UBAP2L: variants seen among roughly 807,000 people sequenced by gnomAD.
The protein encoded by UBAP2L is ubiquitin-associated protein 2-like.
A neutral mutation model predicts 130.6 loss-of-function variants in UBAP2L; 12 were observed. That is an observed-to-expected ratio of 0.09 (90% CI 0.06 to 0.15). The LOEUF (loss-of-function observed/expected upper bound fraction) is 0.15, where lower values mean the gene tolerates loss of function less well. Among genes scored for constraint, UBAP2L ranks in the 10% least tolerant of loss-of-function variants. The probability of loss-of-function intolerance (pLI) is 1.00; values close to 1 mark genes in which losing one functional copy is unlikely to be tolerated. For synonymous variants in UBAP2L, 503 were observed against 524.7 expected (o/e 0.96, Z 0.57); for missense variants, 965 against 1,332.5 (o/e 0.72, Z 4.29).
intron 11 of UBAP2L, 56 bp downstream of exon 11, chr1:154,246,431 A>G: frequency 6.4e-7 from 1 of 1,550,662 alleles, no homozygotes; most frequent in Non-Finnish European, 8.8e-7. Flanking sequence ...CCTAGCACAC[A>G]TACACAGTTC....
intron 22 of UBAP2L, among the ~76,000 whole-genome samples, chr1:154,260,442 A>G (rs1194601): frequency 6.6e-6 from 1 of 152,148 alleles, no homozygotes; most frequent in Non-Finnish European, 1.5e-5. Context: ...CTGCCCCTTT[A>G]TGCTACTACT....
chr1:154,259,123 C>T (rs1680636412), intron 21 of UBAP2L, 93 bp downstream of exon 21: 1 of 1,140,476 alleles, frequency 8.8e-7, no homozygotes, highest in South Asian at 1.3e-5. Context: ...TCTTTCCCAT[C>T]CCAGCCCTCC....
intron 24 of UBAP2L, among the ~76,000 whole-genome samples, chr1:154,264,382 G>T (rs1682585920): frequency 6.6e-6 from 1 of 152,128 alleles, no homozygotes; most frequent in Admixed American, 6.5e-5. Context: ...ATAAGTAGGG[G>T]GTGTTGATGT....
chr1:154,228,402 G>C (rs1571609092), intron 3 of UBAP2L, among the ~76,000 whole-genome samples: 1 of 152,116 alleles, frequency 6.6e-6, no homozygotes, highest in Non-Finnish European at 1.5e-5. Flanking sequence ...GGTCAGGTTG[G>C]TCTCAAACTC....
At chr1:154,220,369 G>C (rs555056807), upstream of UBAP2L, 3 of 1,614,238 alleles carry the variant, frequency 1.9e-6, no homozygotes, top group South Asian at 2.2e-5. Flanking sequence ...TCACCAGCAC[G>C]ACATTCACCC....
In UBAP2L at chr1:154,257,224, A is replaced by G. The variant is rs1679964415; in HGVS notation, c.2319A>G (p.Thr773=). The part of the protein sequence containing the change: ...GLSLGSNSTV[T]ASTRSSVATT... ...GCCTAGGCAGCAACTCCACTGTCAC[A>G]GCCTCGACTCGAAGCTCAGTTGCTA... The change falls in exon 19 of 27, where the codon ACA becomes ACG. Residue 773 remains threonine, a synonymous_variant. Transcript: ENST00000428931. 1 of 1,614,224 alleles carries G rather than the reference A, an allele frequency of 6.2e-7. No homozygotes were observed. The highest frequency in any genetic ancestry group is 1.1e-5 in the South Asian group (1 of 91,082).
At chr1:154,254,759 G>A (rs1679043812) in intron 15 of UBAP2L, 77 bp from the exon 16 acceptor site, 2 of 1,448,814 alleles carry the variant, frequency 1.4e-6, no homozygotes, top group African/African-American at 1.4e-5. Context: ...CCAAAATAAA[G>A]CTGCATCAGT....
chr1:154,235,354 C>CT (rs1671272052), intron 6 of UBAP2L, 63 bp downstream of exon 6: 1 of 681,522 alleles, frequency 1.5e-6, no homozygotes, highest in Non-Finnish European at 2.7e-6. Context: ...TAATGGTCTG[C>CT]TTTATTTTTT....
Position 154,243,297 on chromosome 1 carries a change from T to C in UBAP2L, c.837T>C (p.Gly279=), listed in dbSNP as rs1255998636. The C allele has an allele frequency of 1.2e-6, 2 of 1,611,456 alleles. No homozygotes were observed. Among genetic ancestry groups the C allele is most frequent in the Non-Finnish European group, 8.5e-7 (1 of 1,177,940 alleles). The change falls in exon 10 of 27, where the codon GGT becomes GGC. Residue 279 remains glycine, a synonymous_variant. Coordinates refer to ENST00000428931, the MANE Select transcript of UBAP2L (RefSeq NM_014847.4). The stretch of plus-strand genomic sequence containing the variant: ...CGGAGAATGTGACAATCACTGCTGG[T>C]CAGAGGCAAGTGTGCAGTAAAATTT... ...LPAENVTITA[G]QRIDLAVLLG...
In UBAP2L at chr1:154,234,608, C is replaced by T. The variant is rs370921553; in HGVS notation, c.297C>T (p.Val99=). 7 of 1,613,584 alleles carry T rather than the reference C, an allele frequency of 4.3e-6. No homozygotes were observed. The highest frequency in any genetic ancestry group is 1.7e-5 in the Admixed American group (1 of 59,948). The stretch of plus-strand genomic sequence containing the variant: ...TTCTATAGCATTCCTGGGAGATGGT[C>T]GGGAAGAAGAAGGGAGTCTCAGGCC... ...GNPDTHSWEM[V]GKKKGVSGQK... Residue 99 remains valine, a synonymous_variant, in exon 5 of 27, where the codon GTC becomes GTT. Transcript: ENST00000428931.
chr1:154,246,251 A>G lies in UBAP2L; in HGVS notation c.890A>G (p.Asn297Ser). Reference protein sequence around the residue: ...LLGKTPSTMENDSSNLDPSQA... With the variant: ...LLGKTPSTMESDSSNLDPSQA... ...GGGAAGACACCATCTACAATGGAGA[A>G]TGATTCATCTAATCTGGATCCGTCT... Residue 297 changes from asparagine to serine, a missense_variant, in exon 11 of 27, where the codon AAT becomes AGT. Physicochemically the swap from Asn to Ser is conservative, Grantham distance 46. Coordinates refer to ENST00000428931, the MANE Select transcript of UBAP2L (RefSeq NM_014847.4). 6.2e-7 allele frequency: 1 copy of G among 1,613,714 alleles called. No individual in the cohort carries two copies. The highest frequency in any genetic ancestry group is 8.5e-7 in the Non-Finnish European group (1 of 1,179,818).
chr1:154,249,160 G>C (rs937935865), intron 11 of UBAP2L, 79 bp from the exon 12 acceptor site: 2 of 1,402,698 alleles, frequency 1.4e-6, no homozygotes, highest in Non-Finnish European at 2.0e-6. Flanking sequence ...ACTGGCTCTC[G>C]GTCTGGATAA....
intron 1 of UBAP2L, 133 bp downstream of exon 1, chr1:154,221,108 G>C (rs1489274435): frequency 7.2e-6 from 1 of 138,504 alleles, no homozygotes; most frequent in African/African-American, 2.8e-5. Context: ...CCCTGCCCCC[G>C]CCGTATCCCC....
In UBAP2L at chr1:154,240,145, A is replaced by T. The variant is rs992468927; in HGVS notation, c.704-1368A>T. Among the ~76,000 whole-genome samples the T allele has an allele frequency of 6.6e-5, 10 of 152,170 alleles. No individual in the cohort carries two copies. The East Asian group carries it at 1.5e-3, about 23-fold the overall frequency. On this transcript the variant is annotated intron_variant, in intron 8 of 26. Coordinates refer to ENST00000428931, the MANE Select transcript of UBAP2L (RefSeq NM_014847.4). ...TTCTTATAAGCTTTTTTCCAGTAGG[A>T]GGGAAGGATTGAAGAGTTATTTAAT...
At chr1:154,248,795 G>T (rs1486826009) in intron 11 of UBAP2L, among the ~76,000 whole-genome samples, 1 of 152,120 alleles carries the variant, frequency 6.6e-6, no homozygotes, top group Non-Finnish European at 1.5e-5. Context: ...CAGCCTGGGT[G>T]ACAGAGCGAG....
chr1:154,227,485 T>TATA (rs1410750039), intron 3 of UBAP2L, 126 bp downstream of exon 3: 4 of 788,242 alleles, frequency 5.1e-6, no homozygotes, highest in Non-Finnish European at 8.3e-6. Context: ...TGACCTGAAA[T>TATA]ATAATAGGTC....
rs781361668 is a variant in UBAP2L, at chr1:154,251,582, T to C, written c.1593T>C (p.Asp531=). The C allele has an allele frequency of 4.3e-6, 7 of 1,614,118 alleles. No homozygotes were observed. In the South Asian group the frequency reaches 7.7e-5, roughly 18 times the overall value. The part of the protein sequence containing the change: ...LQFGSEPVLS[D]YESTPTTSAS... ...TTGGGTCAGAGCCTGTCCTTTCTGA[T>C]TATGAGTCCACCCCCACCACGAGCG... is the stretch of plus-strand genomic sequence containing the variant. Residue 531 remains aspartate (D), a synonymous_variant, in exon 14 of 27, where the codon GAT becomes GAC. Coordinates refer to ENST00000428931, the MANE Select transcript of UBAP2L (RefSeq NM_014847.4).
At position 154,259,269 on chromosome 1, in the gene UBAP2L, G is replaced by A. The variant is rs184816147; in HGVS notation, c.2496+239G>A. Among the ~76,000 whole-genome samples, 47 of 152,032 alleles carry A rather than the reference G, an allele frequency of 3.1e-4. 1 individual carries two copies. In the East Asian group the frequency reaches 3.3e-3, roughly 11 times the overall value. ...TGCAGTGGTGTGATCTTGGCTCATT[G>A]CAACCTCCGCCGCCTGGGTTAAAGC... On this transcript the variant is annotated intron_variant, in intron 21 of 26. Coordinates refer to ENST00000428931, the MANE Select transcript of UBAP2L (RefSeq NM_014847.4).
At chr1:154,265,099 C>G (rs923345290) in intron 24 of UBAP2L, among the ~76,000 whole-genome samples, 1 of 152,084 alleles carries the variant, frequency 6.6e-6, no homozygotes, top group Non-Finnish European at 1.5e-5. Context: ...TCTGTAGTTC[C>G]GTTATTTTTC....
Sources: gnomAD v4.1 joint callset for allele counts (sites outside exome capture counted in the v4.1 genomes callset) on GRCh38, gnomAD v4.1.1 for gene constraint, MANE v1.5 for transcripts, NCBI Gene and HGNC (gene_info 2026-07-23, HGNC 2026-07-21) for gene names.